The following CPED1 variants were observed in gnomAD, a reference collection of about 807,000 sequenced individuals.
CPED1 encodes the protein cadherin-like and PC-esterase domain-containing protein 1.
Under a neutral mutation model 128.2 loss-of-function variants are expected in CPED1, and 114 were observed. That is an observed-to-expected ratio of 0.89 (90% confidence interval 0.76 to 1.04). The LOEUF is 1.04. Ranked by LOEUF, CPED1 falls within the 50% of genes least tolerant of loss-of-function variation. The pLI, the probability that CPED1 is intolerant of heterozygous loss-of-function variation, is 0.00. For synonymous variants in CPED1, 462 were observed against 426.7 expected (o/e 1.08, Z -1.02); for missense variants, 1,211 against 1,207.1 (o/e 1.00, Z -0.05).
intron 16 of CPED1, among the ~76,000 whole-genome samples, chr7:121,183,536 T>G (rs1211667938): frequency 6.6e-6 from 1 of 152,176 alleles, no homozygotes; most frequent in Admixed American, 6.6e-5. Flanking sequence ...ACAGATTTTG[T>G]TTCCATGTTC....
chr7:121,238,590 T>C (rs1798313386), intron 17 of CPED1, among the ~76,000 whole-genome samples: 1 of 151,994 alleles, frequency 6.6e-6, no homozygotes, highest in South Asian at 2.1e-4. Context: ...TCTCACTTAG[T>C]CTCCAAAATG....
chr7:121,256,111 C>CAAAAAAAAAAAAAAAAAAAAA (rs1286167648), intron 18 of CPED1, among the ~76,000 whole-genome samples: 14 of 34,142 alleles, frequency 4.1e-4, no homozygotes, highest in Non-Finnish European at 5.7e-4. Flanking sequence ...CAATCCTAAG[C>CAAAAAAAAAAAAAAAAAAAAA]AAAAAAAAAA....
At chr7:120,995,961 C>CT (rs1214754377) in intron 2 of CPED1, among the ~76,000 whole-genome samples, 61 of 142,976 alleles carry the variant, frequency 4.3e-4, no homozygotes, top group African/African-American at 1.5e-3. Flanking sequence ...CCTCCTCCTC[C>CT]TCCTCCTCCT....
At chr7:121,237,422 A>G (rs898186685) in intron 17 of CPED1, among the ~76,000 whole-genome samples, 1 of 152,194 alleles carries the variant, frequency 6.6e-6, no homozygotes, top group Admixed American at 6.6e-5. Flanking sequence ...TATCCCTCAT[A>G]TATCGGTCAT....
chr7:121,161,207 A>T (rs1796406628), intron 16 of CPED1, among the ~76,000 whole-genome samples: 1 of 152,126 alleles, frequency 6.6e-6, no homozygotes, highest in African/African-American at 2.4e-5. Context: ...TCAAAATCTA[A>T]AAGTGTTGGC....
At chr7:121,151,217 C>G (rs2116401151) in intron 16 of CPED1, among the ~76,000 whole-genome samples, 1 of 152,210 alleles carries the variant, frequency 6.6e-6, no homozygotes, top group South Asian at 2.1e-4. Context: ...GTTTTGACCC[C>G]TCATCTCAAG....
At chr7:121,026,970 C>T (rs1192462849) in intron 3 of CPED1, among the ~76,000 whole-genome samples, 1 of 150,864 alleles carries the variant, frequency 6.6e-6, no homozygotes, top group Non-Finnish European at 1.5e-5. Context: ...GCCAGCACTA[C>T]AGGAGCGTGC....
intron 18 of CPED1, among the ~76,000 whole-genome samples, chr7:121,264,611 A>G (rs1792087133): frequency 6.6e-6 from 1 of 152,060 alleles, no homozygotes; most frequent in Non-Finnish European, 1.5e-5. Flanking sequence ...CACCATGGAA[A>G]GAGTTTAAAC....
At chr7:121,115,140 G>C (rs1039958705) in intron 7 of CPED1, among the ~76,000 whole-genome samples, 2 of 152,194 alleles carry the variant, frequency 1.3e-5, no homozygotes, top group African/African-American at 4.8e-5. Context: ...TGAGGGCAGG[G>C]AAGTCAGTAG....
chr7:121,216,452 T>A (rs567394107), intron 16 of CPED1, among the ~76,000 whole-genome samples: 3 of 152,132 alleles, frequency 2.0e-5, no homozygotes, highest in Admixed American at 2.0e-4. Flanking sequence ...AAATGTCCTC[T>A]AATTGAGTTG....
At chr7:121,235,314 C>A (rs1343060803) in intron 16 of CPED1, among the ~76,000 whole-genome samples, 1 of 151,912 alleles carries the variant, frequency 6.6e-6, no homozygotes, top group Non-Finnish European at 1.5e-5. Flanking sequence ...TAATACAAAT[C>A]ATTTTTCTAA....
At chr7:121,134,477 G>T (rs1795743182) in intron 13 of CPED1, among the ~76,000 whole-genome samples, 1 of 151,902 alleles carries the variant, frequency 6.6e-6, no homozygotes, top group Admixed American at 6.6e-5. Context: ...GAAGGAGGTG[G>T]CTAGAGATTG....
rs1268616071 is a variant in CPED1 at position 121,154,246 on chromosome 7, G to T, written c.2055+12105G>T. Among the ~76,000 whole-genome samples the T allele has an allele frequency of 3.3e-5, 5 of 152,258 alleles. 1 individual carries two copies. Among genetic ancestry groups the T allele is most frequent in the African/African-American group, 1.2e-4 (5 of 41,558 alleles). ...ACTCTCCAGTAAATTGCGCATCACA[G>T]TAAAAAGGGATCTCTCTTTCTAATT... On this transcript the variant is annotated intron_variant, in intron 16 of 22. Coordinates refer to ENST00000310396, the MANE Select transcript of CPED1 (RefSeq NM_024913.5).
chr7:121,238,359 C>G (rs1454429696), intron 17 of CPED1, among the ~76,000 whole-genome samples: 2 of 152,096 alleles, frequency 1.3e-5, no homozygotes, highest in Non-Finnish European at 2.9e-5. Context: ...CTCTTTGCCT[C>G]TCTTTATGTT....
At chr7:121,188,830 G>A (rs1465812671) in intron 16 of CPED1, among the ~76,000 whole-genome samples, 2 of 152,134 alleles carry the variant, frequency 1.3e-5, no homozygotes, top group Non-Finnish European at 2.9e-5. Context: ...TTGAGGCTCA[G>A]ATACGCCATT....
At position 121,131,962 on chromosome 7, in the gene CPED1, G is replaced by GTT. The variant is rs34040961; in HGVS notation, c.1577+1680_1577+1681dup. Among the ~76,000 whole-genome samples the GTT allele has an allele frequency of 8.6e-4, 122 of 141,410 alleles. 1 individual carries two copies. Among genetic ancestry groups the GTT allele is most frequent in the Middle Eastern group, 3.6e-3 (1 of 274 alleles). 92.8% of individuals were successfully genotyped at this position (141,410 alleles called of 152,430 possible). On this transcript the variant is annotated intron_variant, in intron 12 of 22. Transcript: ENST00000310396. The stretch of plus-strand genomic sequence containing the variant: ...TTTTAGCTTCTATAGTGGGGGTAAT[G>GTT]TTTTTTTTTTTTTAATGGGAAAAGC...
chr7:121,192,854 A>G (rs1020219908), intron 16 of CPED1, among the ~76,000 whole-genome samples: 12 of 152,184 alleles, frequency 7.9e-5, no homozygotes, highest in African/African-American at 1.9e-4. Flanking sequence ...CAAAATAGAT[A>G]TGATTTTTAT....
intron 16 of CPED1, among the ~76,000 whole-genome samples, chr7:121,170,523 G>C (rs148851789): frequency 2.0e-4 from 30 of 152,232 alleles, no homozygotes; most frequent in Non-Finnish European, 3.2e-4. Context: ...CACAAGGCCT[G>C]ATGAATAATA....
chr7:121,007,231 ATTTTTT>A (rs398006038), intron 2 of CPED1, among the ~76,000 whole-genome samples: 21 of 129,816 alleles, frequency 1.6e-4, no homozygotes, highest in Middle Eastern at 4.2e-3. Flanking sequence ...TTCAGGTTGC[ATTTTTT>A]TTTTTTTTTT....
Sources: allele counts gnomAD v4.1 joint callset (sites outside exome capture counted in the v4.1 genomes callset), GRCh38; gene constraint gnomAD v4.1.1; transcripts MANE v1.5; gene names NCBI Gene and HGNC (gene_info 2026-07-23, HGNC 2026-07-21).